Variants in VIT observed in about 807,000 individuals in gnomAD.
The protein encoded by VIT is vitrin.
In VIT, 99 loss-of-function variants were observed where a neutral mutation model predicts 78.0. The observed-to-expected ratio is 1.27, with a 90% CI of 1.08 to 1.50. The LOEUF is 1.50. VIT is among the 40% of genes most tolerant of loss of function. The pLI is 0.00. For missense variants in VIT, 1,126 were observed against 875.3 expected, an observed-to-expected ratio of 1.29 and a Z score of -3.61; for synonymous variants, 374 against 334.3, an observed-to-expected ratio of 1.12 and a Z score of -1.29.
intron 13 of VIT, among the ~76,000 whole-genome samples, chr2:36,804,565 T>C (rs577463615): frequency 6.6e-6 from 1 of 152,216 alleles, no homozygotes; most frequent in African/African-American, 2.4e-5. Flanking sequence ...GGCACGGTGG[T>C]TCAAACCTGT....
chr2:36,791,658 A>T (rs1665511769), intron 12 of VIT, among the ~76,000 whole-genome samples: 1 of 152,134 alleles, frequency 6.6e-6, no homozygotes, highest in Non-Finnish European at 1.5e-5. Flanking sequence ...AGCTTTGAAG[A>T]TGGAGGAAAG....
rs1558495820 is a variant in VIT at position 36,699,633 on chromosome 2, GA to G, written c.-19+2661del. Among the ~76,000 whole-genome samples the G allele has an allele frequency of 8.0e-4, 120 of 149,578 alleles. 1 individual carries two copies. Among genetic ancestry groups the G allele is most frequent in the African/African-American group, 2.3e-3 (91 of 39,934 alleles). On this transcript the variant is annotated intron_variant, in intron 1 of 15. Coordinates refer to ENST00000379242, the MANE Select transcript of VIT (RefSeq NM_053276.4). The stretch of plus-strand genomic sequence containing the variant: ...ATATAGATAGATATATAGGTAGATA[GA>G]TAGATAGATAGATAGATAGATAGAT...
chr2:36,710,766 C>T (rs375279741), intron 1 of VIT, among the ~76,000 whole-genome samples: 1 of 152,212 alleles, frequency 6.6e-6, no homozygotes, highest in South Asian at 2.1e-4. Context: ...AGTAGTATTT[C>T]ATTGTATGGA....
intron 8 of VIT, chr2:36,774,676 C>T: frequency 1.0e-6 from 1 of 985,426 alleles, no homozygotes; most frequent in Non-Finnish European, 1.2e-6. Context: ...ACAATTGCAC[C>T]TTTGCCAATG....
At chr2:36,795,403 AT>A (rs1382619328) in intron 12 of VIT, among the ~76,000 whole-genome samples, 1 of 147,212 alleles carries the variant, frequency 6.8e-6, no homozygotes, top group Non-Finnish European at 1.5e-5. Flanking sequence ...TTTATATTTT[AT>A]TTATTTTATT....
chr2:36,705,975 A>G (rs1302941788), intron 1 of VIT, among the ~76,000 whole-genome samples: 1 of 152,126 alleles, frequency 6.6e-6, no homozygotes, highest in African/African-American at 2.4e-5. Flanking sequence ...ACAACCCAAA[A>G]AGTCTCCAAA....
chr2:36,739,559 G>T (rs1356344866), intron 3 of VIT, among the ~76,000 whole-genome samples: 2 of 152,166 alleles, frequency 1.3e-5, no homozygotes, highest in African/African-American at 4.8e-5. Flanking sequence ...GAACCTCAGT[G>T]ACCTAAAGGT....
intron 3 of VIT, among the ~76,000 whole-genome samples, chr2:36,730,183 G>C (rs1463470638): frequency 1.3e-5 from 2 of 151,856 alleles, no homozygotes; most frequent in African/African-American, 4.8e-5. Flanking sequence ...AGCCATTAGG[G>C]AGGCTGAGGC....
At chr2:36,738,947 G>A (rs1050864792) in intron 3 of VIT, among the ~76,000 whole-genome samples, 68 of 152,118 alleles carry the variant, frequency 4.5e-4, no homozygotes, top group African/African-American at 1.6e-3. Context: ...TGCAAAAGAG[G>A]GTGCTTCAAA....
chr2:36,718,593 C>T (rs544604223), intron 2 of VIT, among the ~76,000 whole-genome samples: 14 of 152,262 alleles, frequency 9.2e-5, no homozygotes, highest in African/African-American at 3.4e-4. Context: ...ACAAACAATG[C>T]CCTCTCTTCA....
chr2:36,746,792 A>C (rs571417936), intron 4 of VIT, among the ~76,000 whole-genome samples: 1 of 152,148 alleles, frequency 6.6e-6, no homozygotes, highest in African/African-American at 2.4e-5. Context: ...TTCACAATTC[A>C]GTTTCATTCA....
chr2:36,786,333 C>G (rs1487757368), intron 11 of VIT, among the ~76,000 whole-genome samples: 1 of 152,196 alleles, frequency 6.6e-6, no homozygotes, highest in Non-Finnish European at 1.5e-5. Context: ...GAGATGATAT[C>G]ATTCCTGTCT....
At chr2:36,809,113 G>T (rs1666967019) in intron 15 of VIT, 128 bp downstream of exon 15, 2 of 1,299,730 alleles carry the variant, frequency 1.5e-6, no homozygotes, top group Admixed American at 5.7e-5. Flanking sequence ...AATGTTCAAA[G>T]CCGCAGGGAG....
intron 5 of VIT, among the ~76,000 whole-genome samples, chr2:36,755,569 C>A (rs962171633): frequency 5.3e-5 from 8 of 152,152 alleles, no homozygotes. Context: ...AAAGATACCC[C>A]GTAATTAATA....
chr2:36,764,919 C>A (rs1348370495), intron 6 of VIT, among the ~76,000 whole-genome samples: 1 of 151,874 alleles, frequency 6.6e-6, no homozygotes, highest in Non-Finnish European at 1.5e-5. Context: ...ACAGAAGCAC[C>A]TTCTTATTTC....
chr2:36,704,236 G>GT (rs1279693024), intron 1 of VIT, among the ~76,000 whole-genome samples: 2 of 152,106 alleles, frequency 1.3e-5, no homozygotes, highest in African/African-American at 4.8e-5. Context: ...AGATTGGGCA[G>GT]TTTATTAAAG....
chr2:36,798,816 G>A (rs1191438503), intron 12 of VIT, among the ~76,000 whole-genome samples: 3 of 152,062 alleles, frequency 2.0e-5, no homozygotes, highest in Non-Finnish European at 4.4e-5. Flanking sequence ...TAGAACCCGA[G>A]GGGAAGAATA....
At chr2:36,731,026 A>T (rs1667171157) in intron 3 of VIT, among the ~76,000 whole-genome samples, 1 of 152,158 alleles carries the variant, frequency 6.6e-6, no homozygotes, top group African/African-American at 2.4e-5. Context: ...AGCGCACCAA[A>T]CAGGAAGACA....
chr2:36,714,980 C>G (rs1460345342), intron 1 of VIT, among the ~76,000 whole-genome samples: 1 of 152,186 alleles, frequency 6.6e-6, no homozygotes, highest in Non-Finnish European at 1.5e-5. Context: ...ATCTATTGCA[C>G]TCTCCAACAT....
Sources: gnomAD v4.1 joint callset for allele counts (sites outside exome capture counted in the v4.1 genomes callset) on GRCh38, gnomAD v4.1.1 for gene constraint, MANE v1.5 for transcripts, NCBI Gene and HGNC (gene_info 2026-07-23, HGNC 2026-07-21) for gene names.